Variants in PTPRT observed in about 807,000 individuals in gnomAD.
PTPRT encodes protein tyrosine phosphatase receptor type T.
A neutral mutation model predicts 176.8 loss-of-function variants in PTPRT; 56 were observed. That is an observed-to-expected ratio of 0.32 (90% CI 0.26 to 0.40). The LOEUF is 0.40. Ranked by LOEUF, PTPRT falls within the 10% of genes least tolerant of loss-of-function variation. The pLI is 1.00. For synonymous variants in PTPRT, 783 were observed against 739.0 expected (o/e 1.06, Z -0.96); for missense variants, 1,540 against 1,908.2 (o/e 0.81, Z 3.60).
chr20:42,751,803 T>C (rs2076774367), intron 6 of PTPRT, among the ~76,000 whole-genome samples: 1 of 152,160 alleles, frequency 6.6e-6, no homozygotes, highest in Non-Finnish European at 1.5e-5. Flanking sequence ...AAGGCTACAC[T>C]GCCGAGCTTT....
At chr20:42,044,350 A>T in the PTPRT span, among the ~76,000 whole-genome samples, 1 of 152,194 alleles carries the variant, frequency 6.6e-6, no homozygotes, top group South Asian at 2.1e-4. Flanking sequence ...ATAGCTGATG[A>T]TTTGATTATG....
At chr20:42,762,148 A>G (rs2145426638) in intron 5 of PTPRT, among the ~76,000 whole-genome samples, 1 of 152,324 alleles carries the variant, frequency 6.6e-6, no homozygotes, top group East Asian at 1.9e-4. Context: ...GTATCTTCCT[A>G]TATTCTTGGC....
At chr20:42,595,865 C>A (rs530027006) in intron 7 of PTPRT, among the ~76,000 whole-genome samples, 211 of 152,284 alleles carry the variant, frequency 1.4e-3, no homozygotes, top group African/African-American at 5.0e-3. Context: ...GCTGCCCAGG[C>A]TGTTTAAAGG....
chr20:42,652,745 T>A (rs2075055288), intron 7 of PTPRT, among the ~76,000 whole-genome samples: 1 of 152,102 alleles, frequency 6.6e-6, no homozygotes, highest in Admixed American at 6.5e-5. Context: ...ACCTCCCCCA[T>A]CTTTGTGTCA....
rs149614678 is a variant in PTPRT at position 43,147,097 on chromosome 20, T to G, written c.88+42549A>C. Among the ~76,000 whole-genome samples the G allele has an allele frequency of 9.0e-4, 137 of 152,246 alleles. No homozygotes were observed. The Middle Eastern group carries it at 0.01, about 11-fold the overall frequency. ...GGACCTCAGCCAAGCATGTTCTACC[T>G]CATGTCTTCTCTCCAGGTACCTCTG... On this transcript the variant is annotated intron_variant, in intron 1 of 30. Coordinates refer to ENST00000373187, the MANE Select transcript of PTPRT (RefSeq NM_007050.6).
chr20:42,144,419 A>G (rs1258325129), intron 17 of PTPRT, among the ~76,000 whole-genome samples: 1 of 152,158 alleles, frequency 6.6e-6, no homozygotes, highest in African/African-American at 2.4e-5. Flanking sequence ...TTGAATAGGA[A>G]GTTGGACATG....
At position 42,883,470 on chromosome 20, in the gene PTPRT, C is replaced by T. The variant is rs112453278; in HGVS notation, c.214+2337G>A. On this transcript the variant is annotated intron_variant, in intron 2 of 30. Transcript: ENST00000373187. Reference sequence around the variant, plus strand: ...TAGGGTGAAGTGAGCTTTCTGGAGACGAGGAACAGTGGAAAGTGAGTAGAC... The same window carrying T: ...TAGGGTGAAGTGAGCTTTCTGGAGATGAGGAACAGTGGAAAGTGAGTAGAC... Among the ~76,000 whole-genome samples the T allele has an allele frequency of 4.8e-3, 731 of 151,856 alleles. 6 individuals are homozygous for T. Among genetic ancestry groups the T allele is most frequent in the African/African-American group, 0.017 (691 of 41,350 alleles).
At chr20:42,213,514 T>C (rs2055695989) in intron 15 of PTPRT, among the ~76,000 whole-genome samples, 1 of 152,216 alleles carries the variant, frequency 6.6e-6, no homozygotes, top group East Asian at 1.9e-4. Context: ...AAAAGATATG[T>C]TGAAGTCCTA....
At chr20:42,601,412 G>A (rs1187066729) in intron 7 of PTPRT, among the ~76,000 whole-genome samples, 1 of 152,164 alleles carries the variant, frequency 6.6e-6, no homozygotes, top group Admixed American at 6.5e-5. Flanking sequence ...ATCAGCACAT[G>A]TCACGATTAT....
chr20:43,088,680 A>G (rs1023194046), intron 1 of PTPRT, among the ~76,000 whole-genome samples: 2 of 151,844 alleles, frequency 1.3e-5, no homozygotes, highest in African/African-American at 4.8e-5. Flanking sequence ...CCTCTGCCCA[A>G]CCCATCCTCC....
intron 1 of PTPRT, among the ~76,000 whole-genome samples, chr20:43,130,401 AC>A (rs2013607748): frequency 1.3e-5 from 2 of 152,080 alleles, no homozygotes; most frequent in Admixed American, 1.3e-4. Context: ...ATTTATTGGT[AC>A]CCCCTGGTAC....
rs535775577 is a variant in PTPRT, at chr20:42,450,086, C to T, written c.1451-1757G>A. On this transcript the variant is annotated intron_variant, in intron 8 of 30. Coordinates refer to ENST00000373187, the MANE Select transcript of PTPRT (RefSeq NM_007050.6). ...TCTCTGGGGCCATGCATTTTAATGG[C>T]TGCTTAGAGGGGGCGTTGCCCCTTT... 4.6e-5 allele frequency among the ~76,000 whole-genome samples: 7 copies of T among 152,296 alleles called. No individual in the cohort carries two copies. In the South Asian group the frequency reaches 1.0e-3, roughly 23 times the overall value.
In PTPRT at chr20:42,896,095, A is replaced by G. The variant is rs932329267; in HGVS notation, c.89-10163T>C. On this transcript the variant is annotated intron_variant, in intron 1 of 30. Coordinates refer to ENST00000373187, the MANE Select transcript of PTPRT (RefSeq NM_007050.6). The stretch of plus-strand genomic sequence containing the variant: ...CTCTTTAGATTTAATTAAACACTTC[A>G]TCTACACTACAAGCTTGTGTTCTTC... 2.6e-5 allele frequency among the ~76,000 whole-genome samples: 4 copies of G among 152,058 alleles called. No homozygotes were observed. In the South Asian group the frequency reaches 6.2e-4, roughly 24 times the overall value.
At chr20:43,066,301 CCTTT>C (rs2011111678) in intron 1 of PTPRT, among the ~76,000 whole-genome samples, 1 of 152,174 alleles carries the variant, frequency 6.6e-6, no homozygotes, top group African/African-American at 2.4e-5. Context: ...TCCCCGGAGG[CCTTT>C]CTGTCACCTA....
intron 9 of PTPRT, among the ~76,000 whole-genome samples, chr20:42,441,479 G>T (rs368917848): frequency 1.2e-4 from 18 of 152,342 alleles, no homozygotes; most frequent in African/African-American, 4.3e-4. Flanking sequence ...GGCAGCCAGT[G>T]CCAGATCCTT....
intron 4 of PTPRT, among the ~76,000 whole-genome samples, chr20:42,774,791 G>T (rs1202913023): frequency 6.6e-6 from 1 of 152,200 alleles, no homozygotes; most frequent in Non-Finnish European, 1.5e-5. Context: ...TCTTGCTCAA[G>T]ACCCTTGTCT....
intron 1 of PTPRT, among the ~76,000 whole-genome samples, chr20:43,087,488 C>T (rs192794136): frequency 5.2e-4 from 79 of 150,898 alleles, no homozygotes; most frequent in Non-Finnish European, 9.0e-4. Flanking sequence ...ATCAGCCTCT[C>T]GAGAGGCTGG....
At chr20:42,184,575 T>TCTTCTTCTTCTTCTTCTTCTTCTTCTG (rs1990675103) in intron 16 of PTPRT, among the ~76,000 whole-genome samples, 6 of 138,970 alleles carry the variant, frequency 4.3e-5, no homozygotes, top group African/African-American at 1.7e-4. Context: ...TTCTTCTTCT[T>TCTTCTTCTTCTTCTTCTTCTTCTTCTG]CTTCTTCTTC....
the PTPRT span, among the ~76,000 whole-genome samples, chr20:42,050,244 C>T: frequency 6.6e-6 from 1 of 152,088 alleles, no homozygotes; most frequent in African/African-American, 2.4e-5. Context: ...AGAACTATTT[C>T]CTGGGATCCT....
Sources: allele counts gnomAD v4.1 joint callset (sites outside exome capture counted in the v4.1 genomes callset), GRCh38; gene constraint gnomAD v4.1.1; transcripts MANE v1.5; gene names NCBI Gene and HGNC (gene_info 2026-07-23, HGNC 2026-07-21).